The following SCARF1 variants were observed in gnomAD, a reference collection of about 807,000 sequenced individuals.
SCARF1 encodes the protein scavenger receptor class F member 1, also known as acetyl LDL receptor.
Under a neutral mutation model 76.3 loss-of-function variants are expected in SCARF1, and 49 were observed. That is an observed-to-expected ratio of 0.64 (90% CI 0.51 to 0.81). The LOEUF is 0.81. SCARF1 is among the 40% of genes least tolerant of loss of function. The pLI, the probability that SCARF1 is intolerant of heterozygous loss-of-function variation, is 0.00. For missense variants in SCARF1, 1,098 were observed against 1,143.9 expected (o/e 0.96, Z 0.58); for synonymous variants, 495 against 474.6 (o/e 1.04, Z -0.56).
chr17:1,640,447 C>T lies in SCARF1; in HGVS notation c.1010+1G>A. On this transcript the variant is annotated splice_donor_variant, in intron 5 of 10. Coordinates refer to ENST00000263071, the MANE Select transcript of SCARF1 (RefSeq NM_003693.4). LOFTEE classifies it high-confidence loss of function. The surrounding 1 kb of genome is among the most constrained non-coding windows in gnomAD (Gnocchi z 4.7). ...CACCCTGAACAGAATGGTGCCCTCA[C>T]CTGGGCCCCAGCCAGCCAGGGTCAC... The T allele has an allele frequency of 6.4e-7, 1 of 1,552,206 alleles. No individual in the cohort carries two copies. The highest frequency in any genetic ancestry group is 8.7e-7 in the Non-Finnish European group (1 of 1,148,164).
chr17:1,640,358 G>A lies in SCARF1; in HGVS notation c.1010+90C>T, dbSNP rs942172790. On this transcript the variant is annotated intron_variant, in intron 5 of 10. Coordinates refer to ENST00000263071, the MANE Select transcript of SCARF1 (RefSeq NM_003693.4). The surrounding 1 kb of genome is among the most constrained non-coding windows in gnomAD (Gnocchi z 4.7). The stretch of plus-strand genomic sequence containing the variant: ...CCCCTGGGGCCGCATGAACCTGTGT[G>A]TCGGGGAGGGTGGTGCTCTCGGAGA... 2 of 1,216,274 alleles carry A rather than the reference G, an allele frequency of 1.6e-6. No individual in the cohort carries two copies. Among genetic ancestry groups the A allele is most frequent in the African/African-American group, 1.5e-5 (1 of 66,380 alleles). 75.3% of individuals were successfully genotyped at this position (1,216,274 alleles called of 1,614,324 possible).
rs2151102172 is a variant in SCARF1 at position 1,645,096 on chromosome 17, G to A, written c.163+82C>T. On this transcript the variant is annotated intron_variant, in intron 2 of 10. Transcript: ENST00000263071. This position sits in a 1 kb window ranked among gnomAD's most constrained non-coding sequence, Gnocchi z 6.3. The stretch of plus-strand genomic sequence containing the variant: ...TGACTCCTGGTATCAGGAGGGGCAG[G>A]CCCCATGGGGTAGGAAGGAAGGGTT... 6.3e-7 allele frequency: 1 copy of A among 1,581,464 alleles called. No homozygotes were observed. Among genetic ancestry groups the A allele is most frequent in the Non-Finnish European group, 8.7e-7 (1 of 1,154,848 alleles).
At position 1,645,311 on chromosome 17, in the gene SCARF1, T is replaced by C; in HGVS notation, c.102-72A>G. The C allele has an allele frequency of 6.4e-7, 1 of 1,570,546 alleles. No individual in the cohort carries two copies. Among genetic ancestry groups the C allele is most frequent in the Non-Finnish European group, 8.7e-7 (1 of 1,153,186 alleles). Reference sequence around the variant, plus strand: ...TGGCCCTGAGGAAGGTGGATCACTGTCTCTGGCTGCAGTGGGGGAGGCTGC... The same window carrying C: ...TGGCCCTGAGGAAGGTGGATCACTGCCTCTGGCTGCAGTGGGGGAGGCTGC... On this transcript the variant is annotated intron_variant, in intron 1 of 10. Transcript: ENST00000263071. The surrounding 1 kb of genome is among the most constrained non-coding windows in gnomAD (Gnocchi z 6.3).
At chr17:1,639,562 A>G in intron 7 of SCARF1, 77 bp downstream of exon 7, 1 of 933,894 alleles carries the variant, frequency 1.1e-6, no homozygotes, top group South Asian at 1.4e-5. Context: ...CTCCCTGGTG[A>G]GGAACTTGCC....
chr17:1,634,648 C>T lies in SCARF1; in HGVS notation c.*110G>A. ...ACTGGCCTGGAAGCCTTGCCTTTTC[C>T]CTGTGGAGGCGCAGAGGCTCTGGTT... On this transcript the variant is annotated 3_prime_UTR_variant, in exon 11 of 11. Coordinates refer to ENST00000263071, the MANE Select transcript of SCARF1 (RefSeq NM_003693.4). 7.0e-7 allele frequency: 1 copy of T among 1,433,586 alleles called. No homozygotes were observed. 88.8% of individuals were successfully genotyped at this position (1,433,586 alleles called of 1,614,324 possible). A position where few individuals can be genotyped will look rare whatever the true frequency, so the allele number is the denominator to read the frequency against.
In SCARF1 at chr17:1,636,621, T is replaced by A. The variant is rs547398877; in HGVS notation, c.1633+88A>T. On this transcript the variant is annotated intron_variant, in intron 10 of 10. Transcript: ENST00000263071. Reference sequence around the variant, plus strand: ...AGCAAGACCCAGTCTCAAAAAAAAATAAAAATAAATAACTTTGCTGGAGGA... The same window carrying A: ...AGCAAGACCCAGTCTCAAAAAAAAAAAAAAATAAATAACTTTGCTGGAGGA... 8.4e-5 allele frequency: 123 copies of A among 1,464,618 alleles called. No individual in the cohort carries two copies. In the South Asian group the frequency reaches 1.2e-3, roughly 14 times the overall value. The allele number at this position is 1,464,618 out of a possible 1,614,324, so 90.7% of individuals were successfully genotyped here.
At position 1,640,086 on chromosome 17, in the gene SCARF1, G is replaced by T; in HGVS notation, c.1011-46C>A. 1 of 1,599,788 alleles carries T rather than the reference G, an allele frequency of 6.3e-7. No individual in the cohort carries two copies. Among genetic ancestry groups the T allele is most frequent in the Non-Finnish European group, 8.5e-7 (1 of 1,173,334 alleles). ...GGGAAGGGGAGACCAAGGCAGGCCT[G>T]GCCCCCACTGTGGGGCCCCACCCCT... On this transcript the variant is annotated intron_variant, in intron 5 of 10. Coordinates refer to ENST00000263071, the MANE Select transcript of SCARF1 (RefSeq NM_003693.4). This position sits in a 1 kb window ranked among gnomAD's most constrained non-coding sequence, Gnocchi z 4.7.
intron 4 of SCARF1, among the ~76,000 whole-genome samples, chr17:1,642,418 A>G (rs184948930): frequency 4.7e-4 from 67 of 143,762 alleles, no homozygotes; most frequent in African/African-American, 1.6e-3. Flanking sequence ...CCCACCTATG[A>G]GTGAGAATAT....
At chr17:1,639,592 C>A in intron 7 of SCARF1, 47 bp downstream of exon 7, 1 of 1,384,258 alleles carries the variant, frequency 7.2e-7, no homozygotes, top group Non-Finnish European at 1.0e-6. Context: ...ATGTGAAGGG[C>A]CCGCCTTTCC....
Position 1,635,271 on chromosome 17 carries a change from G to C in SCARF1, c.1980C>G (p.His660Gln), listed in dbSNP as rs893929451. Residue 660 changes from histidine (H) to glutamine (Q), a missense_variant, in exon 11 of 11, where the codon CAC becomes CAG. Coordinates refer to ENST00000263071, the MANE Select transcript of SCARF1 (RefSeq NM_003693.4). ...AASPGDSATG[H>Q]RRPPLGGRTV... The stretch of plus-strand genomic sequence containing the variant: ...TCCGGCCACCAAGTGGGGGCCGCCG[G>C]TGGCCAGTGGCTGAATCCCCGGGAC... The C allele has an allele frequency of 5.6e-6, 9 of 1,611,924 alleles. No individual in the cohort carries two copies. The Middle Eastern group carries it at 1.3e-3, about 237-fold the overall frequency.
Position 1,640,626 on chromosome 17 carries a change from T to C in SCARF1, c.832A>G (p.Thr278Ala), listed in dbSNP as rs1158791589. The change falls in exon 5 of 11, where the codon ACA becomes GCA. Residue 278 changes from threonine (T) to alanine (A), a missense_variant. Thr to Ala is a moderately conservative substitution (Grantham distance 58). Coordinates refer to ENST00000263071, the MANE Select transcript of SCARF1 (RefSeq NM_003693.4). This position sits in a 1 kb window ranked among gnomAD's most constrained non-coding sequence, Gnocchi z 4.7. ...CKHNEPCSPD[T>A]GSCESCEPGW... ...GGCTCGCAGGACTCACAGCTGCCTG[T>C]GTCTGGAGAGCACGGCTCATTGTGT... 3 of 1,612,710 alleles carry C rather than the reference T, an allele frequency of 1.9e-6. No homozygotes were observed. Among genetic ancestry groups the C allele is most frequent in the Admixed American group, 3.3e-5 (2 of 59,956 alleles).
At chr17:1,639,342 C>T (rs1464705872) in intron 7 of SCARF1, among the ~76,000 whole-genome samples, 1 of 152,130 alleles carries the variant, frequency 6.6e-6, no homozygotes, top group East Asian at 1.9e-4. Flanking sequence ...CCTGTCTCTA[C>T]TAAAATATAA....
Position 1,634,714 on chromosome 17 carries a change from C to T in SCARF1, c.*44G>A. ...CGGGATCATTTTCCAGCACACAGCA[C>T]AGTCTAGTCCATCCACTCTCCCCAC... On this transcript the variant is annotated 3_prime_UTR_variant, in exon 11 of 11. Coordinates refer to ENST00000263071, the MANE Select transcript of SCARF1 (RefSeq NM_003693.4). The T allele has an allele frequency of 2.0e-6, 3 of 1,532,660 alleles. No homozygotes were observed. Among genetic ancestry groups the T allele is most frequent in the Non-Finnish European group, 2.6e-6 (3 of 1,138,060 alleles). 94.9% of individuals were successfully genotyped at this position (1,532,660 alleles called of 1,614,324 possible). A position where few individuals can be genotyped will look rare whatever the true frequency, so the allele number is the denominator to read the frequency against.
At position 1,644,744 on chromosome 17, in the gene SCARF1, G is replaced by A; in HGVS notation, c.265+90C>T. On this transcript the variant is annotated intron_variant, in intron 3 of 10. Transcript: ENST00000263071. This position sits in a 1 kb window ranked among gnomAD's most constrained non-coding sequence, Gnocchi z 4.8. The stretch of plus-strand genomic sequence containing the variant: ...GGGGATTCTGGCCCTGCTGTCCTGA[G>A]GCTGCATGGCTACCTGCCTCGCCTG... 8.0e-7 allele frequency: 1 copy of A among 1,256,328 alleles called. No individual in the cohort carries two copies. Among genetic ancestry groups the A allele is most frequent in the South Asian group, 1.3e-5 (1 of 78,366 alleles). The allele number at this position is 1,256,328 out of a possible 1,614,324, so 77.8% of individuals were successfully genotyped here. A position where few individuals can be genotyped will look rare whatever the true frequency, so the allele number is the denominator to read the frequency against.
rs757376643 is a variant in SCARF1, at chr17:1,638,890, C to A, written c.1280G>T (p.Ser427Ile). 1.1e-5 allele frequency: 18 copies of A among 1,610,276 alleles called. No homozygotes were observed. The South Asian group carries it at 2.0e-4, about 18-fold the overall frequency. ...GAAGAGCAGCAGCAGAGGCACAAGGCTGCCCGCGATGAGGGCAGTGTCCCG... is the reference window on the plus strand; with the variant it reads ...GAAGAGCAGCAGCAGAGGCACAAGGATGCCCGCGATGAGGGCAGTGTCCCG... ...GSRDTALIAG[S>I]LVPLLLLFLG... Residue 427 changes from serine to isoleucine, a missense_variant, in exon 8 of 11, where the codon AGC becomes ATC. Physicochemically the swap from Ser to Ile is moderately radical, Grantham distance 142. Coordinates refer to ENST00000263071, the MANE Select transcript of SCARF1 (RefSeq NM_003693.4).
chr17:1,639,047 G>T, intron 7 of SCARF1, 121 bp from the exon 8 acceptor site: 1 of 1,085,956 alleles, frequency 9.2e-7, no homozygotes, highest in Non-Finnish European at 1.3e-6. Flanking sequence ...CCTCCGGGCA[G>T]CCCCTCTGCT....
Position 1,634,712 on chromosome 17 carries a change from C to G in SCARF1, c.*46G>C, listed in dbSNP as rs1462065172. ...CCCGGGATCATTTTCCAGCACACAG[C>G]ACAGTCTAGTCCATCCACTCTCCCC... On this transcript the variant is annotated 3_prime_UTR_variant, in exon 11 of 11. Coordinates refer to ENST00000263071, the MANE Select transcript of SCARF1 (RefSeq NM_003693.4). 1 of 1,532,346 alleles carries G rather than the reference C, an allele frequency of 6.5e-7. No individual in the cohort carries two copies. Among genetic ancestry groups the G allele is most frequent in the East Asian group, 2.3e-5 (1 of 43,992 alleles). The allele number at this position is 1,532,346 out of a possible 1,614,324, so 94.9% of individuals were successfully genotyped here.
chr17:1,644,085 G>T lies in SCARF1; in HGVS notation c.266-118C>A. The T allele has an allele frequency of 1.2e-6, 1 of 807,492 alleles. No homozygotes were observed. Among genetic ancestry groups the T allele is most frequent in the Non-Finnish European group, 1.7e-6 (1 of 596,084 alleles). The allele number at this position is 807,492 out of a possible 1,614,324, so 50.0% of individuals were successfully genotyped here. On this transcript the variant is annotated intron_variant, in intron 3 of 10. Transcript: ENST00000263071. The surrounding 1 kb of genome is among the most constrained non-coding windows in gnomAD (Gnocchi z 4.8). ...GCCCATCCTCCAAGAGCCGGGGACAGACCCTCAGAACATCCGGCAGCCTGT... is the reference window on the plus strand; with the variant it reads ...GCCCATCCTCCAAGAGCCGGGGACATACCCTCAGAACATCCGGCAGCCTGT...
intron 4 of SCARF1, among the ~76,000 whole-genome samples, chr17:1,642,103 T>C (rs1910097151): frequency 6.6e-6 from 1 of 152,178 alleles, no homozygotes; most frequent in South Asian, 2.1e-4. Context: ...CTCAGGACCC[T>C]TGGTCACTCG....
Sources: gnomAD v4.1 joint callset for allele counts (sites outside exome capture counted in the v4.1 genomes callset) on GRCh38, gnomAD v4.1.1 for gene constraint, Gnocchi (gnomAD v3.1) non-coding constraint, MANE v1.5 for transcripts, NCBI Gene and HGNC (gene_info 2026-07-23, HGNC 2026-07-21) for gene names.